Variants in SEMA5A observed in about 807,000 individuals in gnomAD.
The protein encoded by SEMA5A is semaphorin-5A.
In SEMA5A, 55 loss-of-function variants were observed where a neutral mutation model predicts 135.5. The observed-to-expected ratio is 0.41, with a 90% CI of 0.33 to 0.51. SEMA5A has a LOEUF of 0.51. SEMA5A is among the 20% of genes least tolerant of loss of function. The pLI is 0.37. For synonymous variants in SEMA5A, 580 were observed against 546.5 expected, an observed-to-expected ratio of 1.06 and a Z score of -0.85; for missense variants, 1,290 against 1,419.9, an observed-to-expected ratio of 0.91 and a Z score of 1.47.
intron 1 of SEMA5A, among the ~76,000 whole-genome samples, chr5:9,451,963 A>T (rs1165356373): frequency 6.6e-6 from 1 of 152,194 alleles, no homozygotes; most frequent in Non-Finnish European, 1.5e-5. Context: ...AAAAAAGATG[A>T]AGGAAATCTG....
At chr5:9,297,694 A>G (rs1465208221) in intron 5 of SEMA5A, among the ~76,000 whole-genome samples, 1 of 150,614 alleles carries the variant, frequency 6.6e-6, no homozygotes, top group Non-Finnish European at 1.5e-5. Context: ...AGCTGGGACT[A>G]CAGGTACATG....
chr5:9,445,274 C>T (rs1044736375), intron 1 of SEMA5A, among the ~76,000 whole-genome samples: 2 of 151,942 alleles, frequency 1.3e-5, no homozygotes, highest in African/African-American at 4.8e-5. Context: ...GAAACAATCT[C>T]ATTAGGAACC....
intron 11 of SEMA5A, among the ~76,000 whole-genome samples, chr5:9,162,595 C>T (rs1300230044): frequency 6.1e-4 from 71 of 116,486 alleles, no homozygotes; most frequent in East Asian, 2.1e-3. Flanking sequence ...TACACACACA[C>T]ACACAAACCA....
At chr5:9,273,954 G>C (rs1033327837) in intron 5 of SEMA5A, among the ~76,000 whole-genome samples, 1 of 152,080 alleles carries the variant, frequency 6.6e-6, no homozygotes, top group African/African-American at 2.4e-5. Context: ...TAACCAGCTA[G>C]CATCATAATG....
intron 16 of SEMA5A, among the ~76,000 whole-genome samples, chr5:9,082,922 G>C (rs1318611439): frequency 6.6e-6 from 1 of 152,076 alleles, no homozygotes; most frequent in Non-Finnish European, 1.5e-5. Flanking sequence ...CAAGTTTCTA[G>C]GGGTATCATT....
intron 5 of SEMA5A, among the ~76,000 whole-genome samples, chr5:9,305,914 A>T (rs966097131): frequency 1.3e-5 from 2 of 152,116 alleles, no homozygotes; most frequent in African/African-American, 4.8e-5. Flanking sequence ...GCAGAGGAAC[A>T]ACTGTGTTGA....
At position 9,204,079 on chromosome 5, in the gene SEMA5A, T is replaced by C. The variant is rs1229625201; in HGVS notation, c.647-1839A>G. On this transcript the variant is annotated intron_variant, in intron 8 of 22. Coordinates refer to ENST00000382496, the MANE Select transcript of SEMA5A (RefSeq NM_003966.3). This position sits in a 1 kb window ranked among gnomAD's most constrained non-coding sequence, Gnocchi z 6.4. ...AAGATACGGAACAATTTCAAAACCATGTGTAAAGAAAATAATACTGGCATG... is the reference window on the plus strand; with the variant it reads ...AAGATACGGAACAATTTCAAAACCACGTGTAAAGAAAATAATACTGGCATG... Among the ~76,000 whole-genome samples, 1 of 152,010 alleles carries C rather than the reference T, an allele frequency of 6.6e-6. No homozygotes were observed. Among genetic ancestry groups the C allele is most frequent in the African/African-American group, 2.4e-5 (1 of 41,380 alleles).
intron 2 of SEMA5A, among the ~76,000 whole-genome samples, chr5:9,408,056 C>A (rs1579492310): frequency 6.6e-6 from 1 of 151,710 alleles, no homozygotes; most frequent in East Asian, 1.9e-4. Flanking sequence ...ATGACCATCA[C>A]CACTACCACC....
intron 2 of SEMA5A, among the ~76,000 whole-genome samples, chr5:9,437,463 C>T (rs34123143): frequency 0.16 from 24,291 of 151,996 alleles, 2,097 homozygotes; most frequent in African/African-American, 0.19. Flanking sequence ...TTCAAGTGAT[C>T]CTCATGCCTC....
At chr5:9,341,050 A>C (rs1263702911) in intron 3 of SEMA5A, among the ~76,000 whole-genome samples, 8 of 152,020 alleles carry the variant, frequency 5.3e-5, no homozygotes, top group Admixed American at 5.3e-4. Flanking sequence ...CTATATGTAC[A>C]TCCTCTCCTA....
chr5:9,200,085 AG>A (rs1408012968), intron 9 of SEMA5A, among the ~76,000 whole-genome samples: 12 of 152,208 alleles, frequency 7.9e-5, no homozygotes, highest in African/African-American at 2.9e-4. Context: ...AGACATGAAA[AG>A]GAGGTGGAAA....
At position 9,308,467 on chromosome 5, in the gene SEMA5A, A is replaced by C. The variant is rs186085854; in HGVS notation, c.270+9905T>G. On this transcript the variant is annotated intron_variant, in intron 5 of 22. Coordinates refer to ENST00000382496, the MANE Select transcript of SEMA5A (RefSeq NM_003966.3). ...GAGGCTATACTCCAGCTGACAGGAA[A>C]TTTTTGCCTACTTCCTTTCTTTGCT... Among the ~76,000 whole-genome samples, 71 of 152,126 alleles carry C rather than the reference A, an allele frequency of 4.7e-4. No individual in the cohort carries two copies. In the Middle Eastern group the frequency reaches 0.014, roughly 29 times the overall value.
chr5:9,203,088 C>G (rs1040671876), intron 8 of SEMA5A, among the ~76,000 whole-genome samples: 9 of 152,204 alleles, frequency 5.9e-5, no homozygotes, highest in African/African-American at 2.2e-4. Context: ...GAAGTTTTAG[C>G]TTCCTAACTT....
At chr5:9,230,561 T>C (rs982533220) in intron 6 of SEMA5A, among the ~76,000 whole-genome samples, 5 of 152,182 alleles carry the variant, frequency 3.3e-5, no homozygotes, top group Non-Finnish European at 7.3e-5. Context: ...GGCTCTATTA[T>C]TGGCGATGAG....
chr5:9,252,446 C>A (rs1219164660), intron 5 of SEMA5A, among the ~76,000 whole-genome samples: 3 of 152,146 alleles, frequency 2.0e-5, no homozygotes, highest in African/African-American at 7.2e-5. Flanking sequence ...GAGGTCAAGA[C>A]AAAGAACATG....
At chr5:9,439,822 C>A (rs760441996) in intron 1 of SEMA5A, among the ~76,000 whole-genome samples, 2 of 152,244 alleles carry the variant, frequency 1.3e-5, no homozygotes, top group Non-Finnish European at 2.9e-5. Flanking sequence ...TGTGGAAAAG[C>A]AATACCCACA....
At chr5:9,334,171 T>A (rs1753278687) in intron 4 of SEMA5A, among the ~76,000 whole-genome samples, 1 of 152,068 alleles carries the variant, frequency 6.6e-6, no homozygotes, top group South Asian at 2.1e-4. Context: ...TAGTATAAAG[T>A]GAAACCATCC....
At chr5:9,162,382 ATGTGTGTG>A (rs1221606161) in intron 11 of SEMA5A, among the ~76,000 whole-genome samples, 4 of 128,962 alleles carry the variant, frequency 3.1e-5, no homozygotes, top group Admixed American at 7.9e-5. Context: ...TCAAACAAAC[ATGTGTGTG>A]TGTGTGTGTG....
chr5:9,470,091 T>C (rs1759420630), intron 1 of SEMA5A, among the ~76,000 whole-genome samples: 1 of 152,126 alleles, frequency 6.6e-6, no homozygotes, highest in Non-Finnish European at 1.5e-5. Flanking sequence ...AAGATGAGCA[T>C]GTTAGGGGGG....
Sources: allele counts gnomAD v4.1 joint callset (sites outside exome capture counted in the v4.1 genomes callset), GRCh38; gene constraint gnomAD v4.1.1; non-coding constraint Gnocchi (gnomAD v3.1); transcripts MANE v1.5; gene names NCBI Gene and HGNC (gene_info 2026-07-23, HGNC 2026-07-21).